The following PEX5L variants were observed in gnomAD, a reference collection of about 807,000 sequenced individuals.
PEX5L encodes the protein peroxisomal biogenesis factor 5 like.
In PEX5L, 30 loss-of-function variants were observed where a neutral mutation model predicts 84.0. The ratio of observed to expected loss-of-function variants is 0.36; its 90% CI spans 0.27 to 0.48. PEX5L has a LOEUF of 0.48. PEX5L is among the 20% of genes least tolerant of loss of function. PEX5L has a pLI of 0.99. For missense variants in PEX5L, 533 were observed against 754.6 expected (o/e 0.71, Z 3.44); for synonymous variants, 270 against 283.1 (o/e 0.95, Z 0.46).
Position 179,898,148 on chromosome 3 carries a change from T to C in PEX5L, c.192A>G (p.Thr64=). Residue 64 remains threonine (T), a synonymous_variant, in exon 3 of 15, where the codon ACA becomes ACG. Transcript: ENST00000467460. ...SAEEKPLLTM[T]SQLVNEQQES... ...ACCCTATGGGTCTGCCCACCTGTGA[T>C]GTCATAGTAAGGAGGGGCTTTTCTT... The C allele has an allele frequency of 2.5e-6, 4 of 1,605,298 alleles. No homozygotes were observed. Among genetic ancestry groups the C allele is most frequent in the Non-Finnish European group, 2.6e-6 (3 of 1,172,124 alleles).
chr3:179,898,485 C>A (rs1244335025), intron 2 of PEX5L: 9 of 363,098 alleles, frequency 2.5e-5, no homozygotes, highest in Non-Finnish European at 4.4e-5. Flanking sequence ...TTAATTTTAA[C>A]ATAGTATTTT....
At chr3:179,880,821 T>C (rs1236930755) in intron 4 of PEX5L, 1 of 152,246 alleles carries the variant, frequency 6.6e-6, no homozygotes, top group Non-Finnish European at 1.5e-5. Context: ...CTTGTTCAAA[T>C]GCAAATAAGG....
chr3:179,845,345 C>A (rs1738915351), intron 8 of PEX5L, among the ~76,000 whole-genome samples: 1 of 152,154 alleles, frequency 6.6e-6, no homozygotes, highest in Non-Finnish European at 1.5e-5. Flanking sequence ...ACATACATAT[C>A]CAATTATTTG....
In PEX5L at chr3:179,812,576, TAAGTTGGTTGCAA is replaced by T. The variant is rs575076297; in HGVS notation, c.1084-718_1084-706del. Reference sequence around the variant, plus strand: ...TTACTCAACAATTCCCTTATTGCTTTAAGTTGGTTGCAATTGTTTGCTATTGTAAATAATATGA... The same window carrying T: ...TTACTCAACAATTCCCTTATTGCTTTTTGTTTGCTATTGTAAATAATATGA... On this transcript the variant is annotated intron_variant, in intron 10 of 14. Transcript: ENST00000467460. 7.7e-3 allele frequency among the ~76,000 whole-genome samples: 1,176 copies of T among 152,274 alleles called. 14 individuals are homozygous for T. Among genetic ancestry groups the T allele is most frequent in the African/African-American group, 0.028 (1,145 of 41,560 alleles).
chr3:179,976,171 G>C (rs111544726), intron 1 of PEX5L, among the ~76,000 whole-genome samples: 4,366 of 152,290 alleles, frequency 0.029, 216 homozygotes, highest in African/African-American at 0.1. Context: ...AGGAAGAGGA[G>C]TGGTCACGAT....
rs2109629395 is a variant in PEX5L, at chr3:179,932,018, A to C, written c.94-33772T>G. On this transcript the variant is annotated intron_variant, in intron 2 of 14. Transcript: ENST00000467460. ...AAATGTGCAAATATTTCTATGTACA[A>C]GGATATGTTTATCCTAATCTTATTT... Among the ~76,000 whole-genome samples the C allele has an allele frequency of 1.3e-5, 2 of 152,322 alleles. 1 individual carries two copies. The highest frequency in any genetic ancestry group is 6.8e-3 in the Middle Eastern group (2 of 294).
intron 7 of PEX5L, among the ~76,000 whole-genome samples, chr3:179,866,776 G>A (rs1368943703): frequency 6.6e-6 from 1 of 151,916 alleles, no homozygotes; most frequent in East Asian, 1.9e-4. Flanking sequence ...TGTAATCCCA[G>A]CACTTTGGGA....
intron 8 of PEX5L, among the ~76,000 whole-genome samples, chr3:179,855,933 T>C (rs1169340923): frequency 6.6e-6 from 1 of 152,242 alleles, no homozygotes; most frequent in Non-Finnish European, 1.5e-5. Flanking sequence ...TATTTTGTTA[T>C]AGCAGCTCAA....
intron 2 of PEX5L, among the ~76,000 whole-genome samples, chr3:179,938,345 G>C (rs773094179): frequency 1.3e-5 from 2 of 152,216 alleles, no homozygotes; most frequent in Non-Finnish European, 2.9e-5. Context: ...ACATAGATGA[G>C]AGGTTAGAAG....
At chr3:179,932,105 C>T (rs1331718241) in intron 2 of PEX5L, among the ~76,000 whole-genome samples, 8 of 151,990 alleles carry the variant, frequency 5.3e-5, no homozygotes, top group African/African-American at 1.9e-4. Flanking sequence ...CATATATATA[C>T]ATTATAACCC....
intron 8 of PEX5L, among the ~76,000 whole-genome samples, chr3:179,839,913 A>G (rs1239974222): frequency 2.0e-5 from 3 of 152,156 alleles, no homozygotes; most frequent in African/African-American, 7.2e-5. Context: ...ACACCTCTCA[A>G]AGAAGGTAAC....
intron 2 of PEX5L, among the ~76,000 whole-genome samples, chr3:179,960,654 CT>C (rs1230753311): frequency 6.6e-6 from 1 of 152,094 alleles, no homozygotes; most frequent in African/African-American, 2.4e-5. Context: ...AAGTTGCTTC[CT>C]TTTTTAAAAA....
chr3:179,890,967 AT>A (rs34215597), intron 3 of PEX5L, among the ~76,000 whole-genome samples: 23,187 of 143,252 alleles, frequency 0.16, 1,768 homozygotes, highest in South Asian at 0.33. Flanking sequence ...AGGTAAAAAA[AT>A]TTTTTTTTTT....
At chr3:179,903,225 G>T (rs1384786771) in intron 2 of PEX5L, among the ~76,000 whole-genome samples, 1 of 151,772 alleles carries the variant, frequency 6.6e-6, no homozygotes, top group Non-Finnish European at 1.5e-5. Flanking sequence ...ATTTTTGTTT[G>T]TTTGTTTGTT....
chr3:179,884,863 A>C (rs1248284518), intron 4 of PEX5L, among the ~76,000 whole-genome samples: 1 of 152,194 alleles, frequency 6.6e-6, no homozygotes, highest in African/African-American at 2.4e-5. Context: ...CTGGGTGGAA[A>C]AAAATTATAA....
At chr3:179,871,100 C>CTTTTTT (rs397801213) in intron 7 of PEX5L, among the ~76,000 whole-genome samples, 1 of 95,030 alleles carries the variant, frequency 1.1e-5, no homozygotes, top group Admixed American at 1.1e-4. Flanking sequence ...TTGAGTTATA[C>CTTTTTT]TTTTTTTTTT....
intron 8 of PEX5L, among the ~76,000 whole-genome samples, chr3:179,851,437 A>G (rs1741840274): frequency 6.6e-6 from 1 of 152,174 alleles, no homozygotes; most frequent in African/African-American, 2.4e-5. Flanking sequence ...CCATCTCTTC[A>G]TACCATCTCA....
At chr3:179,862,442 T>C (rs1452165047) in intron 7 of PEX5L, among the ~76,000 whole-genome samples, 3 of 152,214 alleles carry the variant, frequency 2.0e-5, no homozygotes, top group Non-Finnish European at 4.4e-5. Flanking sequence ...TGTAACCTAG[T>C]AGAGATGTTA....
Position 179,968,240 on chromosome 3 carries a change from C to G in PEX5L, c.93+3354G>C, listed in dbSNP as rs138470452. Among the ~76,000 whole-genome samples the G allele has an allele frequency of 1.7e-3, 253 of 152,116 alleles. 1 individual carries two copies. The highest frequency in any genetic ancestry group is 5.8e-3 in the African/African-American group (242 of 41,520). On this transcript the variant is annotated intron_variant, in intron 2 of 14. Transcript: ENST00000467460. ...TATCTAGGTCCAGCTTATCATAAAC[C>G]TTGAGTTAAGTTGGCTCTAACTAAA...
Sources: gnomAD v4.1 joint callset for allele counts (sites outside exome capture counted in the v4.1 genomes callset) on GRCh38, gnomAD v4.1.1 for gene constraint, MANE v1.5 for transcripts, NCBI Gene and HGNC (gene_info 2026-07-23, HGNC 2026-07-21) for gene names.